The following EYS variants were observed in gnomAD, a reference collection of about 807,000 sequenced individuals.
EYS encodes the protein EGF-like photoreceptor maintenance factor.
Under a neutral mutation model 282.1 loss-of-function variants are expected in EYS, and 250 were observed. The observed-to-expected ratio is 0.89, with a 90% CI of 0.80 to 0.98. The LOEUF is 0.98. EYS is among the 50% of genes least tolerant of loss of function. The probability of loss-of-function intolerance (pLI) is 0.00; values close to 1 mark genes in which losing one functional copy is unlikely to be tolerated. For missense variants in EYS, 4,016 were observed against 3,709.0 expected (o/e 1.08, Z -2.15); for synonymous variants, 1,355 against 1,282.9 (o/e 1.06, Z -1.20).
chr6:65,319,307 G>A (rs1769406602), intron 11 of EYS, among the ~76,000 whole-genome samples: 1 of 150,438 alleles, frequency 6.6e-6, no homozygotes, highest in Non-Finnish European at 1.5e-5. Context: ...TTTAACCCAG[G>A]AAGCGGAGGT....
chr6:64,140,630 C>T (rs529553169), intron 31 of EYS, among the ~76,000 whole-genome samples: 6 of 152,264 alleles, frequency 3.9e-5, no homozygotes, highest in South Asian at 4.1e-4. Context: ...TCCTGTATCA[C>T]GTCCCCTGCT....
At chr6:65,431,925 A>G (rs1767903496) in intron 5 of EYS, among the ~76,000 whole-genome samples, 1 of 152,160 alleles carries the variant, frequency 6.6e-6, no homozygotes. Flanking sequence ...TGTATTTGAC[A>G]ATGTTGAGCA....
intron 36 of EYS, among the ~76,000 whole-genome samples, chr6:63,829,043 G>A (rs988402317): frequency 3.3e-5 from 5 of 152,166 alleles, no homozygotes; most frequent in African/African-American, 1.2e-4. Flanking sequence ...GTTTATAGCA[G>A]CACAATTCAC....
At chr6:65,511,818 T>C (rs1045792021) in intron 2 of EYS, among the ~76,000 whole-genome samples, 2 of 151,780 alleles carry the variant, frequency 1.3e-5, no homozygotes, top group South Asian at 2.1e-4. Flanking sequence ...CTGGGTGTGA[T>C]GGCACACACT....
chr6:63,810,271 A>C (rs1490534235), intron 36 of EYS, among the ~76,000 whole-genome samples: 5 of 151,324 alleles, frequency 3.3e-5, no homozygotes, highest in South Asian at 2.1e-4. Flanking sequence ...AAAAAAAAAA[A>C]AAAAACAAAA....
intron 12 of EYS, among the ~76,000 whole-genome samples, chr6:65,276,882 T>C (rs963089441): frequency 6.6e-6 from 1 of 152,166 alleles, no homozygotes; most frequent in Non-Finnish European, 1.5e-5. Context: ...TATTTTGGTA[T>C]AAATATGTGC....
rs137934921 is a variant in EYS, at chr6:65,619,560, A to G, written c.-333+20218T>C. 7.1e-3 allele frequency among the ~76,000 whole-genome samples: 1,083 copies of G among 152,132 alleles called. 11 individuals carry two copies. The highest frequency in any genetic ancestry group is 0.023 in the African/African-American group (955 of 41,500). On this transcript the variant is annotated intron_variant, in intron 2 of 42. Transcript: ENST00000503581. ...TACCCTTTATTTCCTTCCACTGCCT[A>G]ATTGCCCTGGCCAGAACTTCCAACA...
chr6:65,217,600 A>C (rs1330824594), intron 12 of EYS, among the ~76,000 whole-genome samples: 2 of 152,052 alleles, frequency 1.3e-5, no homozygotes, highest in Non-Finnish European at 2.9e-5. Flanking sequence ...GGGTAATCAC[A>C]GAAGGCATTT....
At chr6:65,389,186 A>T (rs931975905) in intron 7 of EYS, among the ~76,000 whole-genome samples, 2 of 152,146 alleles carry the variant, frequency 1.3e-5, no homozygotes, top group Non-Finnish European at 2.9e-5. Context: ...TTTGCCAGCA[A>T]CACTGCAATA....
chr6:63,913,251 A>T (rs888293491), intron 35 of EYS, among the ~76,000 whole-genome samples: 1 of 152,194 alleles, frequency 6.6e-6, no homozygotes, highest in Non-Finnish European at 1.5e-5. Flanking sequence ...CATCCATAAG[A>T]TTACTCCAGG....
intron 30 of EYS, among the ~76,000 whole-genome samples, chr6:64,287,578 T>C (rs1463488200): frequency 6.6e-6 from 1 of 152,080 alleles, no homozygotes; most frequent in Admixed American, 6.6e-5. Context: ...CCTTTGCAAA[T>C]GTCAACAATA....
At chr6:64,804,842 T>C (rs149433455) in intron 22 of EYS, among the ~76,000 whole-genome samples, 2,086 of 152,188 alleles carry the variant, frequency 0.014, 17 homozygotes, top group South Asian at 0.024. Flanking sequence ...TAAAACTAAT[T>C]TGTAATTTTT....
chr6:65,054,883 A>T (rs59960487), intron 13 of EYS, among the ~76,000 whole-genome samples: 15,703 of 152,090 alleles, frequency 0.1, 891 homozygotes, highest in East Asian at 0.2. Context: ...AATATTTATG[A>T]TTACCTAACA....
In EYS at chr6:64,692,977, C is replaced by CTTTTTTTTTTTTT. The variant is rs67700846; in HGVS notation, c.3444-66745_3444-66733dup. Among the ~76,000 whole-genome samples, 23 of 11,502 alleles carry CTTTTTTTTTTTTT rather than the reference C, an allele frequency of 2.0e-3. 10 individuals carry two copies. The highest frequency in any genetic ancestry group is 7.5e-3 in the Admixed American group (4 of 536). 7.5% of individuals were successfully genotyped at this position (11,502 alleles called of 152,430 possible). On this transcript the variant is annotated intron_variant, in intron 22 of 42. Coordinates refer to ENST00000503581, the MANE Select transcript of EYS (RefSeq NM_001142800.2). ...CTTGGGATTGGTTTGGCTGCTTGGG[C>CTTTTTTTTTTTTT]TTTTTTTTTTTTTTTTTTTTTTGGT...
chr6:65,563,088 T>C (rs1409718638), intron 2 of EYS, among the ~76,000 whole-genome samples: 4 of 152,124 alleles, frequency 2.6e-5, no homozygotes, highest in African/African-American at 9.7e-5. Flanking sequence ...TGCTTCTTTT[T>C]ACTGATAAAG....
chr6:63,876,163 T>C (rs1772963973), intron 35 of EYS, among the ~76,000 whole-genome samples: 1 of 152,214 alleles, frequency 6.6e-6, no homozygotes, highest in South Asian at 2.1e-4. Context: ...GAGATTCTGG[T>C]TTGTTGTGTC....
intron 33 of EYS, among the ~76,000 whole-genome samples, chr6:64,064,567 A>G (rs1771297316): frequency 6.6e-6 from 1 of 152,178 alleles, no homozygotes; most frequent in African/African-American, 2.4e-5. Context: ...GTTTTGATAA[A>G]ATTAATCTAA....
At chr6:64,545,210 T>C (rs1373614951) in intron 26 of EYS, among the ~76,000 whole-genome samples, 2 of 152,118 alleles carry the variant, frequency 1.3e-5, no homozygotes, top group Non-Finnish European at 1.5e-5. Flanking sequence ...GCAAGGCTGG[T>C]TCAACATACG....
chr6:63,962,222 C>A (rs1218331548), intron 35 of EYS, among the ~76,000 whole-genome samples: 1 of 152,120 alleles, frequency 6.6e-6, no homozygotes, highest in Admixed American at 6.6e-5. Context: ...GTCTAAAACA[C>A]CAAAAGCAAT....
Sources: allele counts gnomAD v4.1 joint callset (sites outside exome capture counted in the v4.1 genomes callset), GRCh38; gene constraint gnomAD v4.1.1; transcripts MANE v1.5; gene names NCBI Gene and HGNC (gene_info 2026-07-23, HGNC 2026-07-21).